NHSL2: variants seen among roughly 807,000 people sequenced by gnomAD.
The protein encoded by NHSL2 is NHS like 2.
NHSL2 carries 27 observed loss-of-function variants against 53.4 expected under a neutral mutation model. That is an observed-to-expected ratio of 0.51 (90% CI 0.37 to 0.70). The LOEUF (loss-of-function observed/expected upper bound fraction) is 0.70. NHSL2 is among the 30% of genes least tolerant of loss of function. The probability of loss-of-function intolerance (pLI) is 0.00; values close to 1 mark genes in which losing one functional copy is unlikely to be tolerated. For synonymous variants in NHSL2, 408 were observed against 404.1 expected, an observed-to-expected ratio of 1.01 and a Z score of -0.12; for missense variants, 892 against 980.1, an observed-to-expected ratio of 0.91 and a Z score of 1.20.
At chrX:71,942,851 A>G (rs1053525449) in intron 1 of NHSL2, among the ~76,000 whole-genome samples, 2 of 111,037 alleles carry the variant, frequency 1.8e-5, no homozygotes, top group Non-Finnish European at 3.8e-5. Context: ...TCTAATAGAC[A>G]TAGTAATCTG....
intron 1 of NHSL2, among the ~76,000 whole-genome samples, chrX:72,020,137 T>G (rs1200163551): frequency 2.7e-5 from 3 of 112,899 alleles, no homozygotes; most frequent in African/African-American, 9.7e-5. Flanking sequence ...TAACACAGGC[T>G]AATTGTGAAA....
chrX:72,014,422 G>C (rs1378214442), intron 1 of NHSL2, among the ~76,000 whole-genome samples: 1 of 111,266 alleles, frequency 9.0e-6, no homozygotes, highest in East Asian at 2.8e-4. Flanking sequence ...TAAGCATTTG[G>C]AGCTATAAAC....
Position 71,963,949 on chromosome X carries a change from C to CTA in NHSL2, c.280+52591_280+52592dup, listed in dbSNP as rs1447693800. On this transcript the variant is annotated intron_variant, in intron 1 of 7. Coordinates refer to ENST00000633930, the MANE Select transcript of NHSL2 (RefSeq NM_001013627.3). Reference sequence around the variant, plus strand: ...AAAAAGAAAGAGAAAGGTGGAGTGGCTATATATATACACATATATATATAC... The same window carrying CTA: ...AAAAAGAAAGAGAAAGGTGGAGTGGCTATATATATATACACATATATATATAC... Among the ~76,000 whole-genome samples, 20 of 24,534 alleles carry CTA rather than the reference C, an allele frequency of 8.2e-4. 2 individuals carry two copies. Among genetic ancestry groups the CTA allele is most frequent in the East Asian group, 6.9e-3 (4 of 581 alleles). 21.3% of individuals were successfully genotyped at this position (24,534 alleles called of 115,157 possible).
intron 1 of NHSL2, among the ~76,000 whole-genome samples, chrX:72,124,262 G>C (rs2042204601): frequency 9.0e-6 from 1 of 110,763 alleles, no homozygotes; most frequent in Non-Finnish European, 1.9e-5. Flanking sequence ...TATGGACCTG[G>C]TTTCTCGGGG....
At chrX:72,104,958 G>C (rs1157387585) in intron 1 of NHSL2, among the ~76,000 whole-genome samples, 1 of 112,195 alleles carries the variant, frequency 8.9e-6, no homozygotes, top group African/African-American at 3.2e-5. Context: ...CAAAAGGTTT[G>C]TTGGGAACTG....
chrX:72,004,156 A>G (rs1397899350), intron 1 of NHSL2, among the ~76,000 whole-genome samples: 1 of 112,089 alleles, frequency 8.9e-6, no homozygotes, highest in Non-Finnish European at 1.9e-5. Flanking sequence ...CCTGTGGGAG[A>G]TGGTGGAGGG....
At chrX:72,110,724 TAAAAAAAAAA>T (rs56082929) in intron 1 of NHSL2, among the ~76,000 whole-genome samples, 7 of 46,763 alleles carry the variant, frequency 1.5e-4, no homozygotes, top group African/African-American at 3.3e-4. Context: ...TCCTCCCACC[TAAAAAAAAAA>T]AAAAAAAAAA....
At chrX:72,114,802 C>G (rs1189004649) in intron 1 of NHSL2, among the ~76,000 whole-genome samples, 1 of 112,239 alleles carries the variant, frequency 8.9e-6, no homozygotes, top group Admixed American at 9.4e-5. Context: ...ACAGTGTCCA[C>G]TATAAGAGGA....
intron 5 of NHSL2, among the ~76,000 whole-genome samples, chrX:72,137,518 A>C (rs1461048569): frequency 1.8e-5 from 2 of 112,196 alleles, no homozygotes; most frequent in African/African-American, 6.5e-5. Context: ...ATAGATGAAG[A>C]GAGAGGGTTC....
In NHSL2 at chrX:71,964,021, A is replaced by G. The variant is rs1369970949; in HGVS notation, c.280+52654A>G. Among the ~76,000 whole-genome samples, 46 of 7,080 alleles carry G rather than the reference A, an allele frequency of 6.5e-3. 6 individuals are homozygous for G. The highest frequency in any genetic ancestry group is 0.021 in the Admixed American group (6 of 292). 6.1% of individuals were successfully genotyped at this position (7,080 alleles called of 115,157 possible). The stretch of plus-strand genomic sequence containing the variant: ...TATACATATATATATGTATATATAT[A>G]TATGTGTATATATATATATATGTAT... On this transcript the variant is annotated intron_variant, in intron 1 of 7. Coordinates refer to ENST00000633930, the MANE Select transcript of NHSL2 (RefSeq NM_001013627.3).
At chrX:72,106,557 C>T (rs191869710) in intron 1 of NHSL2, among the ~76,000 whole-genome samples, 54 of 111,579 alleles carry the variant, frequency 4.8e-4, no homozygotes, top group African/African-American at 1.7e-3. Context: ...GACAGTGTGG[C>T]GATTCCTCAG....
intron 1 of NHSL2, among the ~76,000 whole-genome samples, chrX:71,994,362 G>A (rs1385742727): frequency 9.6e-6 from 1 of 104,678 alleles, no homozygotes; most frequent in Admixed American, 1.0e-4. Context: ...CGGGTGAAAA[G>A]GAGATGGCTC....
At chrX:72,100,808 G>A (rs973067441) in intron 1 of NHSL2, among the ~76,000 whole-genome samples, 4 of 112,234 alleles carry the variant, frequency 3.6e-5, no homozygotes, top group Non-Finnish European at 5.6e-5. Context: ...AGTCCCTAGT[G>A]CCAAAAAGGT....
intron 1 of NHSL2, among the ~76,000 whole-genome samples, chrX:71,998,690 T>C (rs905352004): frequency 5.4e-5 from 6 of 111,846 alleles, no homozygotes; most frequent in African/African-American, 1.9e-4. Flanking sequence ...GGTTAAACGA[T>C]GGTCAGTGGC....
intron 1 of NHSL2, among the ~76,000 whole-genome samples, chrX:71,911,994 G>T (rs757983677): frequency 2.7e-5 from 3 of 112,207 alleles, no homozygotes; most frequent in Non-Finnish European, 5.6e-5. Flanking sequence ...TGGCCGGGAG[G>T]GGGGAGGGGA....
At chrX:72,079,430 T>A (rs758445394) in intron 1 of NHSL2, among the ~76,000 whole-genome samples, 9 of 112,066 alleles carry the variant, frequency 8.0e-5, no homozygotes, top group Non-Finnish European at 1.5e-4. Context: ...GTCTCATCCT[T>A]TAGCTGTTGG....
At chrX:72,113,124 T>C (rs2042106825) in intron 1 of NHSL2, among the ~76,000 whole-genome samples, 1 of 112,535 alleles carries the variant, frequency 8.9e-6, no homozygotes, top group Admixed American at 9.4e-5. Context: ...GATGGTGGCC[T>C]TTGAAGTGCT....
In NHSL2 at chrX:71,981,696, A is replaced by G. The variant is rs182892420; in HGVS notation, c.280+70329A>G. On this transcript the variant is annotated intron_variant, in intron 1 of 7. Transcript: ENST00000633930. ...ATAGACAGTTCTCCAAAGAAGATATACAAATGGCCAACAAGTACATGAAAA... is the reference window on the plus strand; with the variant it reads ...ATAGACAGTTCTCCAAAGAAGATATGCAAATGGCCAACAAGTACATGAAAA... 6.1e-3 allele frequency among the ~76,000 whole-genome samples: 688 copies of G among 112,368 alleles called. 5 individuals carry two copies. The highest frequency in any genetic ancestry group is 0.021 in the African/African-American group (645 of 30,917).
intron 1 of NHSL2, among the ~76,000 whole-genome samples, chrX:72,101,802 T>C (rs140218753): frequency 0.078 from 8,668 of 111,151 alleles, 342 homozygotes; most frequent in African/African-American, 0.13. Flanking sequence ...AAACTCTCAG[T>C]GGTATCAGAC....
Sources: gnomAD v4.1 joint callset for allele counts (sites outside exome capture counted in the v4.1 genomes callset) on GRCh38, gnomAD v4.1.1 for gene constraint, MANE v1.5 for transcripts, NCBI Gene and HGNC (gene_info 2026-07-23, HGNC 2026-07-21) for gene names.